Variants in KHDRBS3 observed in about 807,000 individuals in gnomAD.
The protein encoded by KHDRBS3 is KH RNA binding domain containing, signal transduction associated 3.
In KHDRBS3, 23 loss-of-function variants were observed where a neutral mutation model predicts 45.6. The ratio of observed to expected loss-of-function variants is 0.50; its 90% CI spans 0.36 to 0.72. The LOEUF (loss-of-function observed/expected upper bound fraction) is 0.72, where lower values mean the gene tolerates loss of function less well. KHDRBS3 is among the 30% of genes least tolerant of loss of function. The pLI is 0.00. For synonymous variants in KHDRBS3, 162 were observed against 156.5 expected, an observed-to-expected ratio of 1.04 and a Z score of -0.26; for missense variants, 352 against 424.8, an observed-to-expected ratio of 0.83 and a Z score of 1.51.
chr8:135,521,180 A>T, intron 1 of KHDRBS3, 57 bp from the exon 2 acceptor site: 1 of 1,017,266 alleles, frequency 9.8e-7, no homozygotes, highest in Non-Finnish European at 1.6e-6. Flanking sequence ...TAACCAGAAC[A>T]CCCAGCCCCT....
intron 1 of KHDRBS3, among the ~76,000 whole-genome samples, chr8:135,520,510 AT>A (rs371494930): frequency 2.6e-5 from 4 of 151,718 alleles, no homozygotes; most frequent in South Asian, 2.1e-4. Flanking sequence ...GAGGTAGCAC[AT>A]TTTTTTTTCC....
At chr8:135,582,309 G>A (rs894831126) in intron 6 of KHDRBS3, among the ~76,000 whole-genome samples, 1 of 152,170 alleles carries the variant, frequency 6.6e-6, no homozygotes, top group Admixed American at 6.5e-5. Flanking sequence ...GAGTTTGGGT[G>A]GTGGGGAGGT....
At chr8:135,557,965 T>C (rs567584722) in intron 5 of KHDRBS3, among the ~76,000 whole-genome samples, 1 of 152,308 alleles carries the variant, frequency 6.6e-6, no homozygotes, top group South Asian at 2.1e-4. Flanking sequence ...TGATTCTAGG[T>C]GAATATTATT....
chr8:135,521,141 T>A (rs1824883889), intron 1 of KHDRBS3, 96 bp from the exon 2 acceptor site: 1 of 714,438 alleles, frequency 1.4e-6, no homozygotes, highest in African/African-American at 1.8e-5. Context: ...CATACTTCAG[T>A]AGTAGTTGAT....
intron 7 of KHDRBS3, among the ~76,000 whole-genome samples, chr8:135,620,105 A>G (rs1425851495): frequency 6.7e-6 from 1 of 150,370 alleles, no homozygotes; most frequent in Admixed American, 6.6e-5. Flanking sequence ...CAGGGTATCA[A>G]TCTGTCGCCC....
chr8:135,505,313 C>G (rs1823936817), intron 1 of KHDRBS3, among the ~76,000 whole-genome samples: 1 of 152,188 alleles, frequency 6.6e-6, no homozygotes, highest in Non-Finnish European at 1.5e-5. Context: ...CAGAGGTTCT[C>G]TAGTGCTGAG....
intron 7 of KHDRBS3, 82 bp from the exon 8 acceptor site, chr8:135,644,977 A>C: frequency 7.0e-7 from 1 of 1,437,570 alleles, no homozygotes; most frequent in Non-Finnish European, 9.7e-7. Context: ...AGTTGTCTTT[A>C]AGTTTTACAA....
At chr8:135,510,489 C>T (rs1399487156) in intron 1 of KHDRBS3, among the ~76,000 whole-genome samples, 1 of 152,178 alleles carries the variant, frequency 6.6e-6, no homozygotes, top group African/African-American at 2.4e-5. Context: ...GGCTGGAGTG[C>T]AGTGGCGTAA....
Position 135,603,102 on chromosome 8 carries a change from T to TGAAA in KHDRBS3, c.808-3853_808-3852insGAAA, listed in dbSNP as rs1453082567. Among the ~76,000 whole-genome samples, 648 of 152,352 alleles carry TGAAA rather than the reference T, an allele frequency of 4.3e-3. 11 individuals carry two copies. The highest frequency in any genetic ancestry group is 0.014 in the African/African-American group (590 of 41,596). The stretch of plus-strand genomic sequence containing the variant: ...CCTGGGAAATTTTCTTCCACTTTTC[T>TGAAA]CTTTCCTAACTGGGCTGGTCCATCC... On this transcript the variant is annotated intron_variant, in intron 6 of 8. Transcript: ENST00000355849.
chr8:135,647,049 G>A lies in KHDRBS3; in HGVS notation c.1006G>A (p.Gly336Ser), dbSNP rs1191712276. Residue 336 changes from glycine (G) to serine (S), a missense_variant, in exon 9 of 9, where the codon GGC becomes AGC. Physicochemically the swap from Gly to Ser is moderately conservative, Grantham distance 56. Coordinates refer to ENST00000355849, the MANE Select transcript of KHDRBS3 (RefSeq NM_006558.3). ...HKAPSARTAK[G>S]VYRDQPYGRY is the part of the protein sequence containing the mutation. ...GGCACCTTCAGCGAGGACAGCAAAG[G>A]GCGTCTACAGAGACCAGCCATATGG... 1 of 1,609,946 alleles carries A rather than the reference G, an allele frequency of 6.2e-7. No homozygotes were observed. Among genetic ancestry groups the A allele is most frequent in the Non-Finnish European group, 8.5e-7 (1 of 1,176,334 alleles).
At chr8:135,609,397 G>A (rs1052612380) in intron 7 of KHDRBS3, among the ~76,000 whole-genome samples, 1 of 151,390 alleles carries the variant, frequency 6.6e-6, no homozygotes, top group South Asian at 2.1e-4. Context: ...CAGGTTTAAG[G>A]AATTCTTGTG....
intron 6 of KHDRBS3, among the ~76,000 whole-genome samples, chr8:135,589,910 T>C (rs1828668685): frequency 1.3e-5 from 2 of 152,214 alleles, no homozygotes; most frequent in Non-Finnish European, 2.9e-5. Context: ...CTTAAACAAG[T>C]TTTAGCAAAC....
At chr8:135,619,732 G>A (rs13281274) in intron 7 of KHDRBS3, among the ~76,000 whole-genome samples, 59,759 of 152,098 alleles carry the variant, frequency 0.39, 12,808 homozygotes, top group South Asian at 0.53. Context: ...TCCAATTTTT[G>A]GAATTTTGGA....
At chr8:135,534,784 T>C (rs1469685800) in intron 2 of KHDRBS3, among the ~76,000 whole-genome samples, 8 of 152,156 alleles carry the variant, frequency 5.3e-5, no homozygotes, top group African/African-American at 1.9e-4. Context: ...TGCAGCAGAA[T>C]TGACACAATG....
chr8:135,546,424 C>T (rs995551393), intron 3 of KHDRBS3, among the ~76,000 whole-genome samples: 2 of 152,100 alleles, frequency 1.3e-5, no homozygotes, highest in Non-Finnish European at 2.9e-5. Flanking sequence ...TTATGGGAGT[C>T]ATTATTGATG....
At chr8:135,647,662 C>G (rs1235480477), downstream of KHDRBS3, 1 of 151,988 alleles carries the variant, frequency 6.6e-6, no homozygotes, top group Non-Finnish European at 1.5e-5. Flanking sequence ...TTTAAAAAGG[C>G]CTTCATAAAT....
At chr8:135,642,424 A>C (rs1831100256) in intron 7 of KHDRBS3, among the ~76,000 whole-genome samples, 1 of 152,210 alleles carries the variant, frequency 6.6e-6, no homozygotes, top group Non-Finnish European at 1.5e-5. Context: ...GCAGTGGTGT[A>C]GCTCACAATA....
At chr8:135,521,139 A>G (rs1824883560) in intron 1 of KHDRBS3, 98 bp from the exon 2 acceptor site, 1 of 710,662 alleles carries the variant, frequency 1.4e-6, no homozygotes, top group Admixed American at 2.3e-5. Context: ...TCCATACTTC[A>G]GTAGTAGTTG....
At chr8:135,615,680 GATT>G (rs1190265191) in intron 7 of KHDRBS3, among the ~76,000 whole-genome samples, 1 of 152,192 alleles carries the variant, frequency 6.6e-6, no homozygotes. Context: ...ATGATTTTAT[GATT>G]ATTGCTATAA....
Sources: gnomAD v4.1 joint callset for allele counts (sites outside exome capture counted in the v4.1 genomes callset) on GRCh38, gnomAD v4.1.1 for gene constraint, MANE v1.5 for transcripts, NCBI Gene and HGNC (gene_info 2026-07-23, HGNC 2026-07-21) for gene names.